The following DENND4C variants were observed in gnomAD, a reference collection of about 807,000 sequenced individuals.
DENND4C encodes DENN domain-containing protein 4C.
Under a neutral mutation model 203.0 loss-of-function variants are expected in DENND4C, and 108 were observed. The observed-to-expected ratio is 0.53, with a 90% CI of 0.46 to 0.62. The LOEUF is 0.62. Ranked by LOEUF, DENND4C falls within the 20% of genes least tolerant of loss-of-function variation. The pLI, the probability that DENND4C is intolerant of heterozygous loss-of-function variation, is 0.00. For synonymous variants in DENND4C, 871 were observed against 792.4 expected (o/e 1.10, Z -1.67); for missense variants, 2,481 against 2,301.2 (o/e 1.08, Z -1.60).
intron 13 of DENND4C, 69 bp from the exon 14 acceptor site, chr9:19,325,870 G>A: frequency 2.1e-6 from 3 of 1,461,792 alleles, no homozygotes; most frequent in East Asian, 2.3e-5. Context: ...AAATCAGAAT[G>A]TAAGATAAAA....
chr9:19,246,651 A>C (rs1272142073), intron 1 of DENND4C, among the ~76,000 whole-genome samples: 10 of 150,874 alleles, frequency 6.6e-5, no homozygotes, highest in Non-Finnish European at 1.3e-4. Flanking sequence ...AAGCCAACTC[A>C]TCTATGTTCA....
At chr9:19,281,381 C>T (rs1322048736) in intron 2 of DENND4C, among the ~76,000 whole-genome samples, 1 of 151,984 alleles carries the variant, frequency 6.6e-6, no homozygotes, top group Admixed American at 6.6e-5. Context: ...GGCCTGTTCT[C>T]CTCACTTTCC....
intron 2 of DENND4C, among the ~76,000 whole-genome samples, chr9:19,278,598 C>A (rs1302013496): frequency 1.3e-5 from 2 of 152,212 alleles, no homozygotes; most frequent in South Asian, 4.1e-4. Context: ...ACAACTCAGG[C>A]TGAAAAAGAG....
chr9:19,344,014 G>A (rs929666684), intron 22 of DENND4C, among the ~76,000 whole-genome samples: 4 of 152,134 alleles, frequency 2.6e-5, no homozygotes, highest in Non-Finnish European at 4.4e-5. Flanking sequence ...AAATAGGTTA[G>A]TTTAATTCCC....
chr9:19,321,272 A>G (rs1297645961), intron 12 of DENND4C, among the ~76,000 whole-genome samples: 2 of 152,184 alleles, frequency 1.3e-5, no homozygotes, highest in African/African-American at 4.8e-5. Context: ...ACCTGGATTA[A>G]TTGATGATAG....
intron 16 of DENND4C, among the ~76,000 whole-genome samples, chr9:19,331,052 G>A (rs1819015670): frequency 6.6e-6 from 1 of 151,458 alleles, no homozygotes; most frequent in Non-Finnish European, 1.5e-5. Flanking sequence ...GCAAGACTCT[G>A]TCTTAAAAAA....
At chr9:19,308,545 A>G (rs962239670) in intron 10 of DENND4C, among the ~76,000 whole-genome samples, 3 of 152,104 alleles carry the variant, frequency 2.0e-5, no homozygotes, top group African/African-American at 4.8e-5. Context: ...TAGAAATTGT[A>G]TATATAATCT....
intron 1 of DENND4C, among the ~76,000 whole-genome samples, chr9:19,267,327 C>T (rs1243528323): frequency 1.3e-5 from 2 of 152,168 alleles, no homozygotes; most frequent in African/African-American, 4.8e-5. Flanking sequence ...GTTACATCCT[C>T]TTGCTGAATT....
intron 21 of DENND4C, among the ~76,000 whole-genome samples, chr9:19,341,477 T>G (rs1017866914): frequency 2.6e-5 from 4 of 151,844 alleles, no homozygotes; most frequent in Non-Finnish European, 5.9e-5. Context: ...ACCCAGCTAA[T>G]TTTTTTATGT....
chr9:19,322,305 A>T (rs1037919749), intron 12 of DENND4C, among the ~76,000 whole-genome samples: 1 of 152,192 alleles, frequency 6.6e-6, no homozygotes, highest in Non-Finnish European at 1.5e-5. Context: ...CAAGTAGTAC[A>T]TTCCTCCAGA....
chr9:19,242,752 T>A (rs1824093709), intron 1 of DENND4C, among the ~76,000 whole-genome samples: 3 of 151,846 alleles, frequency 2.0e-5, no homozygotes, highest in Non-Finnish European at 4.4e-5. Context: ...GCCTCCTGGG[T>A]TGAAGTGATT....
chr9:19,373,866 A>G lies in DENND4C; in HGVS notation c.*1693A>G, dbSNP rs528890812. Among the ~76,000 whole-genome samples the G allele has an allele frequency of 2.0e-5, 3 of 152,194 alleles. No individual in the cohort carries two copies. The highest frequency in any genetic ancestry group is 3.2e-3 in the Middle Eastern group (1 of 316). ...ATTTACAAATTATAGTTATTGTACC[A>G]GTCTTTCAACATTTCAGGGTTAATC... On this transcript the variant is annotated 3_prime_UTR_variant, in exon 33 of 33. Coordinates refer to ENST00000434457, the MANE Select transcript of DENND4C (RefSeq NM_001330640.2).
intron 5 of DENND4C, among the ~76,000 whole-genome samples, chr9:19,294,990 T>A (rs1837133174): frequency 6.6e-6 from 1 of 152,206 alleles, no homozygotes; most frequent in Non-Finnish European, 1.5e-5. Flanking sequence ...GTGCACTGCA[T>A]TGTGAAGGTA....
intron 1 of DENND4C, among the ~76,000 whole-genome samples, chr9:19,246,022 C>T (rs1564081850): frequency 6.6e-6 from 1 of 152,166 alleles, no homozygotes; most frequent in Non-Finnish European, 1.5e-5. Flanking sequence ...GACCTCCAGG[C>T]CAGTAGCTAC....
At chr9:19,341,311 C>CTTTTTT (rs5896841) in intron 21 of DENND4C, among the ~76,000 whole-genome samples, 197 bp downstream of exon 21, 1 of 120,180 alleles carries the variant, frequency 8.3e-6, no homozygotes. Context: ...TTCTTTCTTT[C>CTTTTTT]TTTTTTTTTT....
chr9:19,361,814 G>A (rs771469646), intron 29 of DENND4C, 32 bp from the exon 30 acceptor site: 2 of 1,291,296 alleles, frequency 1.5e-6, no homozygotes, highest in South Asian at 2.4e-5. Flanking sequence ...GTTATTCTCG[G>A]GATACTAATA....
chr9:19,268,044 G>T (rs1219419847), intron 1 of DENND4C, among the ~76,000 whole-genome samples: 2 of 150,996 alleles, frequency 1.3e-5, no homozygotes, highest in African/African-American at 4.9e-5. Context: ...TTATTTTCTG[G>T]TGGTATGTTT....
intron 4 of DENND4C, among the ~76,000 whole-genome samples, 191 bp downstream of exon 4, chr9:19,288,856 C>A (rs1009869785): frequency 1.3e-5 from 2 of 152,124 alleles, no homozygotes; most frequent in African/African-American, 4.8e-5. Context: ...AATACCCCCA[C>A]CAAACATGCT....
chr9:19,336,621 A>C, intron 19 of DENND4C, 65 bp from the exon 20 acceptor site: 2 of 1,488,058 alleles, frequency 1.3e-6, no homozygotes, highest in African/African-American at 1.4e-5. Flanking sequence ...CTGTGGGTCA[A>C]TCATGTTTAG....
Sources: allele counts gnomAD v4.1 joint callset (sites outside exome capture counted in the v4.1 genomes callset), GRCh38; gene constraint gnomAD v4.1.1; transcripts MANE v1.5; gene names NCBI Gene and HGNC (gene_info 2026-07-23, HGNC 2026-07-21).